GALNT2: variants seen among roughly 807,000 people sequenced by gnomAD.
GALNT2 encodes the protein polypeptide N-acetylgalactosaminyltransferase 2, also known as UDP-GalNAc:polypeptide N-acetylgalactosaminyltransferase 2.
In GALNT2, 31 loss-of-function variants were observed where a neutral mutation model predicts 81.4. That is an observed-to-expected ratio of 0.38 (90% CI 0.29 to 0.51). GALNT2 has a LOEUF of 0.51. GALNT2 is among the 20% of genes least tolerant of loss of function. The pLI, the probability that GALNT2 is intolerant of heterozygous loss-of-function variation, is 0.87. For missense variants in GALNT2, 629 were observed against 765.7 expected (o/e 0.82, Z 2.11); for synonymous variants, 303 against 287.4 (o/e 1.05, Z -0.55).
chr1:230,144,107 C>A (rs1661835803), intron 1 of GALNT2, among the ~76,000 whole-genome samples: 1 of 152,192 alleles, frequency 6.6e-6, no homozygotes, highest in Admixed American at 6.5e-5. Flanking sequence ...GCAGATCCTC[C>A]TGGCCACACC....
Position 230,193,020 on chromosome 1 carries a change from AT to A in GALNT2, c.221-10109del, listed in dbSNP as rs907086683. Among the ~76,000 whole-genome samples, 13 of 151,966 alleles carry A rather than the reference AT, an allele frequency of 8.6e-5. No homozygotes were observed. Among genetic ancestry groups the A allele is most frequent in the Non-Finnish European group, 1.6e-4 (11 of 67,996 alleles). On this transcript the variant is annotated intron_variant, in intron 2 of 15. Coordinates refer to ENST00000366672, the MANE Select transcript of GALNT2 (RefSeq NM_004481.5). The surrounding 1 kb of genome is among the most constrained non-coding windows in gnomAD (Gnocchi z 4.3). ...GACCTTCTAGAGGAAGAATATTAGG[AT>A]TTTTTTTCTTTTAAGCACAGTAAAA...
chr1:230,171,848 G>A (rs1170360132), intron 1 of GALNT2, among the ~76,000 whole-genome samples: 1 of 152,180 alleles, frequency 6.6e-6, no homozygotes, highest in African/African-American at 2.4e-5. Context: ...AGACATCAGC[G>A]TGAGATGAAG....
At position 230,110,714 on chromosome 1, in the gene GALNT2, G is replaced by GTGT. The variant is rs1553257212; in HGVS notation, c.126+43309_126+43310insGTT. Among the ~76,000 whole-genome samples, 23 of 137,642 alleles carry GTGT rather than the reference G, an allele frequency of 1.7e-4. 1 individual carries two copies. The highest frequency in any genetic ancestry group is 2.3e-4 in the South Asian group (1 of 4,384). 90.3% of individuals were successfully genotyped at this position (137,642 alleles called of 152,430 possible). ...GGGTCTCTCTCAGCTGTGCTTTTCT[G>GTGT]TTTTTTTTTTTTTTGTCTTCAATAG... On this transcript the variant is annotated intron_variant, in intron 1 of 15. Coordinates refer to ENST00000366672, the MANE Select transcript of GALNT2 (RefSeq NM_004481.5).
intron 15 of GALNT2, among the ~76,000 whole-genome samples, chr1:230,276,516 C>A (rs1052323328): frequency 6.6e-6 from 1 of 152,152 alleles, no homozygotes; most frequent in African/African-American, 2.4e-5. Flanking sequence ...TTGCCTCCAC[C>A]CTGGAGTCAT....
chr1:230,174,223 G>C (rs1212479304), intron 1 of GALNT2, among the ~76,000 whole-genome samples: 2 of 152,138 alleles, frequency 1.3e-5, no homozygotes, highest in East Asian at 3.9e-4. Context: ...GGAACCCAAG[G>C]CTCTGGCTCC....
intron 1 of GALNT2, among the ~76,000 whole-genome samples, chr1:230,122,648 G>T (rs1316138985): frequency 1.3e-5 from 2 of 151,612 alleles, no homozygotes; most frequent in Non-Finnish European, 3.0e-5. Flanking sequence ...ACATACGTGT[G>T]TGTGTGTGTT....
At chr1:230,239,689 G>GCT (rs1406755638) in intron 6 of GALNT2, among the ~76,000 whole-genome samples, 1 of 152,156 alleles carries the variant, frequency 6.6e-6, no homozygotes, top group Admixed American at 6.5e-5. Context: ...GTTTGGGTCT[G>GCT]CTCTTCGGCT....
At chr1:230,099,563 A>G (rs572682391) in intron 1 of GALNT2, among the ~76,000 whole-genome samples, 1 of 152,296 alleles carries the variant, frequency 6.6e-6, no homozygotes, top group South Asian at 2.1e-4. Context: ...GCCAGCTGGG[A>G]AGCCTGGTTT....
chr1:230,115,360 G>T (rs1660814222), intron 1 of GALNT2, among the ~76,000 whole-genome samples: 1 of 152,100 alleles, frequency 6.6e-6, no homozygotes, highest in Non-Finnish European at 1.5e-5. Context: ...TTGTGGGTTT[G>T]ATTTCAGGCC....
At chr1:230,274,587 G>A (rs528310633) in intron 15 of GALNT2, 23 bp downstream of exon 15, 6 of 1,613,050 alleles carry the variant, frequency 3.7e-6, no homozygotes, top group South Asian at 2.2e-5. Context: ...GGCACCCGTG[G>A]GTGCCCGTGA....
intron 1 of GALNT2, among the ~76,000 whole-genome samples, chr1:230,174,157 C>T (rs1033731964): frequency 2.0e-5 from 3 of 152,196 alleles, no homozygotes; most frequent in African/African-American, 7.2e-5. Flanking sequence ...AGCCCAGCCT[C>T]CTAATCTTAG....
At chr1:230,200,974 TTTTG>T (rs1172696435) in intron 2 of GALNT2, among the ~76,000 whole-genome samples, 2 of 152,216 alleles carry the variant, frequency 1.3e-5, no homozygotes, top group African/African-American at 4.8e-5. Flanking sequence ...TCAAAGCCTC[TTTTG>T]TATTAGTCCG....
In GALNT2 at chr1:230,271,552, T is replaced by G. The variant is rs1409205232; in HGVS notation, c.1441-2893T>G. 6.6e-6 allele frequency among the ~76,000 whole-genome samples: 1 copy of G among 152,220 alleles called. No homozygotes were observed. The highest frequency in any genetic ancestry group is 1.5e-5 in the Non-Finnish European group (1 of 68,036). The stretch of plus-strand genomic sequence containing the variant: ...TTCTACTCCAGATGCCAGTCACAAG[T>G]CCAAGTTGTCACCTGCTGTCTGACT... On this transcript the variant is annotated intron_variant, in intron 14 of 15. Transcript: ENST00000366672. This position sits in a 1 kb window ranked among gnomAD's most constrained non-coding sequence, Gnocchi z 4.2.
At chr1:230,202,653 A>G (rs1663926893) in intron 2 of GALNT2, among the ~76,000 whole-genome samples, 1 of 152,184 alleles carries the variant, frequency 6.6e-6, no homozygotes, top group South Asian at 2.1e-4. Flanking sequence ...ACCAAAGGGT[A>G]TTTTGATATC....
rs763955106 is a variant in GALNT2 at position 230,203,247 on chromosome 1, A to G, written c.331A>G (p.Lys111Glu). The change falls in exon 3 of 16, where the codon AAG becomes GAG. Residue 111 changes from lysine to glutamate, a missense_variant. Coordinates refer to ENST00000366672, the MANE Select transcript of GALNT2 (RefSeq NM_004481.5). ...CAAGTTCAACCAGGTGGAGAGTGAT[A>G]AGCTTCGAATGGACAGAGCCATCCC... ...RNKFNQVESD[K>E]LRMDRAIPDT... 1 of 1,614,176 alleles carries G rather than the reference A, an allele frequency of 6.2e-7. No individual in the cohort carries two copies. Among genetic ancestry groups the G allele is most frequent in the South Asian group, 1.1e-5 (1 of 91,080 alleles).
At chr1:230,069,217 T>C in intron 1 of GALNT2, among the ~76,000 whole-genome samples, 1 of 152,202 alleles carries the variant, frequency 6.6e-6, no homozygotes, top group East Asian at 1.9e-4. Context: ...GGGTCTTCCA[T>C]GCAGAAGTCT....
At position 230,236,503 on chromosome 1, in the gene GALNT2, G is replaced by A. The variant is rs530273253; in HGVS notation, c.541+83G>A. On this transcript the variant is annotated intron_variant, in intron 5 of 15. Coordinates refer to ENST00000366672, the MANE Select transcript of GALNT2 (RefSeq NM_004481.5). The stretch of plus-strand genomic sequence containing the variant: ...CCTGTAGTGGGGGTGCTAATGAGGC[G>A]TGAACAAGCCAGAAATCAGATCCAC... The A allele has an allele frequency of 4.8e-5, 71 of 1,470,520 alleles. No homozygotes were observed. The Middle Eastern group carries it at 5.2e-4, about 11-fold the overall frequency. The allele number at this position is 1,470,520 out of a possible 1,614,324, so 91.1% of individuals were successfully genotyped here.
At chr1:230,247,947 G>A (rs1665425044) in intron 8 of GALNT2, among the ~76,000 whole-genome samples, 1 of 152,190 alleles carries the variant, frequency 6.6e-6, no homozygotes, top group African/African-American at 2.4e-5. Flanking sequence ...AAACAGCCAG[G>A]ACATTGTTTT....
At chr1:230,214,808 CT>C (rs1168552691) in intron 3 of GALNT2, among the ~76,000 whole-genome samples, 1 of 152,056 alleles carries the variant, frequency 6.6e-6, no homozygotes, top group South Asian at 2.1e-4. Flanking sequence ...CTTTTCTGTA[CT>C]TTTTATTCTT....
Sources: allele counts gnomAD v4.1 joint callset (sites outside exome capture counted in the v4.1 genomes callset), GRCh38; gene constraint gnomAD v4.1.1; non-coding constraint Gnocchi (gnomAD v3.1); transcripts MANE v1.5; gene names NCBI Gene and HGNC (gene_info 2026-07-23, HGNC 2026-07-21).